FAM118B: variants seen among roughly 807,000 people sequenced by gnomAD.
FAM118B encodes the protein protein FAM118B.
FAM118B carries 24 observed loss-of-function variants against 38.5 expected under a neutral mutation model. The observed-to-expected ratio is 0.62, with a 90% CI of 0.45 to 0.88. The LOEUF is 0.88. Among genes scored for constraint, FAM118B ranks in the 40% least tolerant of loss-of-function variants. The probability of loss-of-function intolerance (pLI) is 0.00; values close to 1 mark genes in which losing one functional copy is unlikely to be tolerated. For synonymous variants in FAM118B, 138 were observed against 156.3 expected (o/e 0.88, Z 0.87); for missense variants, 334 against 420.0 (o/e 0.80, Z 1.79).
At chr11:126,237,215 C>CAT (rs1555052709) in intron 3 of FAM118B, among the ~76,000 whole-genome samples, 4 of 43,112 alleles carry the variant, frequency 9.3e-5, no homozygotes, top group African/African-American at 2.5e-4. Flanking sequence ...CGCGCCTGGC[C>CAT]TTTTTTTTTT....
intron 1 of FAM118B, among the ~76,000 whole-genome samples, chr11:126,215,064 C>T (rs183377763): frequency 2.3e-4 from 35 of 152,290 alleles, no homozygotes; most frequent in African/African-American, 7.0e-4. Flanking sequence ...AGCAGGAACT[C>T]TTGGGAGGTG....
Position 126,212,876 on chromosome 11 carries a change from CAG to C in FAM118B, c.-77+1052_-77+1053del, listed in dbSNP as rs1949906729. Among the ~76,000 whole-genome samples the C allele has an allele frequency of 2.6e-5, 4 of 152,182 alleles. No individual in the cohort carries two copies. The South Asian group carries it at 8.3e-4, about 32-fold the overall frequency. ...AGTCTTTGAAGCTTTTCGAGTAGGGCAGAGAGACTCCTTGAAAGTGGAATTCT... is the reference window on the plus strand; with the variant it reads ...AGTCTTTGAAGCTTTTCGAGTAGGGCAGAGACTCCTTGAAAGTGGAATTCT... On this transcript the variant is annotated intron_variant, in intron 1 of 8. Transcript: ENST00000533050.
At chr11:126,221,197 A>C (rs1950058629) in intron 1 of FAM118B, among the ~76,000 whole-genome samples, 1 of 152,212 alleles carries the variant, frequency 6.6e-6, no homozygotes. Flanking sequence ...AAAGAAAAAC[A>C]ATATTAATTT....
intron 4 of FAM118B, among the ~76,000 whole-genome samples, chr11:126,249,298 C>T (rs1002254081): frequency 2.6e-5 from 4 of 152,166 alleles, no homozygotes; most frequent in East Asian, 1.9e-4. Flanking sequence ...ATTTAAAAAA[C>T]GTATTAAATT....
chr11:126,250,776 T>C lies in FAM118B; in HGVS notation c.567+43T>C. On this transcript the variant is annotated intron_variant, in intron 5 of 8. Transcript: ENST00000533050. This position sits in a 1 kb window ranked among gnomAD's most constrained non-coding sequence, Gnocchi z 5.1. The stretch of plus-strand genomic sequence containing the variant: ...GGTCCCTTCTTCAGGCTAGTGGATT[T>C]TATCTTCCTCAGAAAAGCTCTTTTC... The C allele has an allele frequency of 6.9e-7, 1 of 1,446,070 alleles. No homozygotes were observed. The highest frequency in any genetic ancestry group is 1.2e-5 in the South Asian group (1 of 81,916). 89.6% of individuals were successfully genotyped at this position (1,446,070 alleles called of 1,614,324 possible). A position where few individuals can be genotyped will look rare whatever the true frequency, so the allele number is the denominator to read the frequency against.
In FAM118B at chr11:126,262,934, G is replaced by A. The variant is rs572882438; in HGVS notation, c.*801G>A. 6.6e-6 allele frequency: 1 copy of A among 152,594 alleles called. No individual in the cohort carries two copies. Among genetic ancestry groups the A allele is most frequent in the Non-Finnish European group, 1.5e-5 (1 of 68,026 alleles). 9.5% of individuals were successfully genotyped at this position (152,594 alleles called of 1,614,324 possible). On this transcript the variant is annotated 3_prime_UTR_variant, in exon 9 of 9. Transcript: ENST00000533050. ...ATAAAAGAACTCCAAGACCTAAAAG[G>A]CAATTTATTTATGAAATTTATTTTC...
chr11:126,219,633 A>G (rs1475918221), intron 1 of FAM118B, among the ~76,000 whole-genome samples: 3 of 152,054 alleles, frequency 2.0e-5, no homozygotes, highest in Non-Finnish European at 2.9e-5. Flanking sequence ...CTCTCTTGCT[A>G]AGGAGCAGGT....
rs534378676 is a variant in FAM118B at position 126,241,208 on chromosome 11, T to G, written c.339+164T>G. On this transcript the variant is annotated intron_variant, in intron 4 of 8. Transcript: ENST00000533050. Reference sequence around the variant, plus strand: ...TTGACTCTTCTGCGCAATGTCTGTTTATGGACCCTACTCAGGACAGTTGTC... The same window carrying G: ...TTGACTCTTCTGCGCAATGTCTGTTGATGGACCCTACTCAGGACAGTTGTC... The G allele has an allele frequency of 1.3e-5, 9 of 677,386 alleles. No homozygotes were observed. The East Asian group carries it at 2.4e-4, about 18-fold the overall frequency. The allele number at this position is 677,386 out of a possible 1,614,324, so 42.0% of individuals were successfully genotyped here. A position where few individuals can be genotyped will look rare whatever the true frequency, so the allele number is the denominator to read the frequency against.
At position 126,253,102 on chromosome 11, in the gene FAM118B, C is replaced by T. The variant is rs1200430303; in HGVS notation, c.568-1203C>T. Among the ~76,000 whole-genome samples the T allele has an allele frequency of 1.3e-5, 2 of 152,198 alleles. No individual in the cohort carries two copies. The highest frequency in any genetic ancestry group is 1.9e-4 in the East Asian group (1 of 5,186). On this transcript the variant is annotated intron_variant, in intron 5 of 8. Coordinates refer to ENST00000533050, the MANE Select transcript of FAM118B (RefSeq NM_024556.4). The surrounding 1 kb of genome is among the most constrained non-coding windows in gnomAD (Gnocchi z 5.1). Reference sequence around the variant, plus strand: ...TCTATGCTATTTGTGATAAAATTTCCAAAGATTATGACCAAGTGTGTTCAT... The same window carrying T: ...TCTATGCTATTTGTGATAAAATTTCTAAAGATTATGACCAAGTGTGTTCAT...
In FAM118B at chr11:126,219,349, C is replaced by CTTTTTTTTTTTTT. The variant is rs549922825; in HGVS notation, c.-77+7547_-77+7559dup. ...AGCTTATCCTTCAGCTCTTGTTTATCTTTTTTTTTTTTTTTTTTTTTTTTT... is the reference window on the plus strand; with the variant it reads ...AGCTTATCCTTCAGCTCTTGTTTATCTTTTTTTTTTTTTTTTTTTTTTTTTTTTTTTTTTTTTT... On this transcript the variant is annotated intron_variant, in intron 1 of 8. Transcript: ENST00000533050. 7.0e-4 allele frequency among the ~76,000 whole-genome samples: 31 copies of CTTTTTTTTTTTTT among 44,466 alleles called. 2 individuals are homozygous for CTTTTTTTTTTTTT. The highest frequency in any genetic ancestry group is 9.7e-4 in the Non-Finnish European group (25 of 25,872). 29.2% of individuals were successfully genotyped at this position (44,466 alleles called of 152,430 possible).
At chr11:126,247,907 A>T (rs976099769) in intron 4 of FAM118B, among the ~76,000 whole-genome samples, 1 of 146,664 alleles carries the variant, frequency 6.8e-6, no homozygotes, top group Non-Finnish European at 1.5e-5. Context: ...ATATACGTAT[A>T]TCTATATAGA....
chr11:126,249,731 CAAAAAAAAAAAAA>C (rs71048775), intron 4 of FAM118B, among the ~76,000 whole-genome samples: 7 of 79,004 alleles, frequency 8.9e-5, no homozygotes, highest in African/African-American at 1.5e-4. Context: ...GACTCCGTCT[CAAAAAAAAAAAAA>C]AAAAAAAAAA....
In FAM118B at chr11:126,215,554, G is replaced by A. The variant is rs953626218; in HGVS notation, c.-77+3724G>A. 8.6e-5 allele frequency among the ~76,000 whole-genome samples: 13 copies of A among 151,974 alleles called. 1 individual carries two copies. Among genetic ancestry groups the A allele is most frequent in the African/African-American group, 2.9e-4 (12 of 41,372 alleles). ...TCTACTAAAAATACAAAAATTAGCTGGGCGTGGTGGCAGGCACCTGTAGTC... is the reference window on the plus strand; with the variant it reads ...TCTACTAAAAATACAAAAATTAGCTAGGCGTGGTGGCAGGCACCTGTAGTC... On this transcript the variant is annotated intron_variant, in intron 1 of 8. Coordinates refer to ENST00000533050, the MANE Select transcript of FAM118B (RefSeq NM_024556.4).
chr11:126,245,950 A>C lies in FAM118B; in HGVS notation c.340-4556A>C, dbSNP rs369507530. The stretch of plus-strand genomic sequence containing the variant: ...GGCGGAGGTTGCAGTGAGCCGAGAT[A>C]GCGCCATTGCACTCCAGCCTGGGCA... On this transcript the variant is annotated intron_variant, in intron 4 of 8. Coordinates refer to ENST00000533050, the MANE Select transcript of FAM118B (RefSeq NM_024556.4). Among the ~76,000 whole-genome samples the C allele has an allele frequency of 1.3e-4, 20 of 150,604 alleles. 2 individuals are homozygous for C. The highest frequency in any genetic ancestry group is 4.4e-4 in the African/African-American group (18 of 41,018).
chr11:126,232,175 A>G (rs1418483371), intron 2 of FAM118B, among the ~76,000 whole-genome samples: 1 of 152,054 alleles, frequency 6.6e-6, no homozygotes, highest in African/African-American at 2.4e-5. Flanking sequence ...TTTGTTTTTA[A>G]TATTTGCATT....
At chr11:126,221,420 C>G (rs1227409046) in intron 1 of FAM118B, among the ~76,000 whole-genome samples, 1 of 151,974 alleles carries the variant, frequency 6.6e-6, no homozygotes. Context: ...GAAATAATGG[C>G]CTATAAATAT....
intron 1 of FAM118B, among the ~76,000 whole-genome samples, chr11:126,213,075 A>G (rs1193618966): frequency 6.6e-6 from 1 of 152,148 alleles, no homozygotes; most frequent in African/African-American, 2.4e-5. Context: ...TAATTGAGTT[A>G]TGCAGGTCAA....
intron 7 of FAM118B, among the ~76,000 whole-genome samples, chr11:126,259,576 C>T (rs1023387946): frequency 1.3e-5 from 2 of 151,990 alleles, no homozygotes; most frequent in Non-Finnish European, 2.9e-5. Flanking sequence ...TAGGCGCCCA[C>T]CACCATGCCC....
Position 126,218,270 on chromosome 11 carries a change from C to T in FAM118B, c.-77+6440C>T, listed in dbSNP as rs1022963922. 2.0e-5 allele frequency among the ~76,000 whole-genome samples: 3 copies of T among 152,316 alleles called. No homozygotes were observed. In the East Asian group the frequency reaches 5.8e-4, roughly 29 times the overall value. ...TTCCTTCAGGTGATGTGGGCCTTTG[C>T]ACCTGTGCCTCTGTCTGGATGTGTC... On this transcript the variant is annotated intron_variant, in intron 1 of 8. Coordinates refer to ENST00000533050, the MANE Select transcript of FAM118B (RefSeq NM_024556.4).
Sources: allele counts gnomAD v4.1 joint callset (sites outside exome capture counted in the v4.1 genomes callset), GRCh38; gene constraint gnomAD v4.1.1; non-coding constraint Gnocchi (gnomAD v3.1); transcripts MANE v1.5; gene names NCBI Gene and HGNC (gene_info 2026-07-23, HGNC 2026-07-21).